Variants in RADIL observed in about 807,000 individuals in gnomAD.
RADIL encodes the protein ras-associating and dilute domain-containing protein.
Under a neutral mutation model 97.6 loss-of-function variants are expected in RADIL, and 99 were observed. The observed-to-expected ratio is 1.01, with a 90% CI of 0.86 to 1.20. The LOEUF (loss-of-function observed/expected upper bound fraction) is 1.20, where lower values mean the gene tolerates loss of function less well. Among genes scored for constraint, RADIL ranks in the 50% most tolerant of loss-of-function variants. The pLI is 0.00. For missense variants in RADIL, 1,765 were observed against 1,498.9 expected, an observed-to-expected ratio of 1.18 and a Z score of -2.93; for synonymous variants, 803 against 691.8, an observed-to-expected ratio of 1.16 and a Z score of -2.52.
rs1038503625 is a variant in RADIL at position 4,798,121 on chromosome 7, AATATATATACAAACACTATATATAT to A, written c.*1232_*1256del. On this transcript the variant is annotated 3_prime_UTR_variant, in exon 15 of 15. Coordinates refer to ENST00000399583, the MANE Select transcript of RADIL (RefSeq NM_018059.5). Reference sequence around the variant, plus strand: ...ATATTCATATATTTTACATATCTTAAATATATATACAAACACTATATATATATATATATTTTATCCAGTATTTTGG... The same window carrying A: ...ATATTCATATATTTTACATATCTTAAATATATATTTTATCCAGTATTTTGG... The A allele has an allele frequency of 2.0e-5, 3 of 146,962 alleles. No homozygotes were observed. The highest frequency in any genetic ancestry group is 4.5e-5 in the Non-Finnish European group (3 of 67,288). 9.1% of individuals were successfully genotyped at this position (146,962 alleles called of 1,614,324 possible). A position where few individuals can be genotyped will look rare whatever the true frequency, so the allele number is the denominator to read the frequency against.
chr7:4,838,910 C>G (rs1427898270), intron 2 of RADIL, among the ~76,000 whole-genome samples: 1 of 152,260 alleles, frequency 6.6e-6, no homozygotes, highest in East Asian at 1.9e-4. Flanking sequence ...TGCTGTGGAA[C>G]AGCCAGCAGG....
rs1782730263 is a variant in RADIL at position 4,818,191 on chromosome 7, GGGGCTGCCTGTCCAGGCCGCCTGCCA to G, written c.1616-866_1616-841del. ...GGAGGGGCAGAGGGGCCGCATCGTG[GGGGCTGCCTGTCCAGGCCGCCTGCCA>G]GGGCTGCATGGGCGGCGCCTGGTGA... On this transcript the variant is annotated intron_variant, in intron 6 of 14. Transcript: ENST00000399583. This position sits in a 1 kb window ranked among gnomAD's most constrained non-coding sequence, Gnocchi z 7.1. Among the ~76,000 whole-genome samples the G allele has an allele frequency of 6.6e-6, 1 of 152,226 alleles. No homozygotes were observed. Among genetic ancestry groups the G allele is most frequent in the Non-Finnish European group, 1.5e-5 (1 of 68,032 alleles).
intron 11 of RADIL, 122 bp from the exon 12 acceptor site, chr7:4,802,117 T>A: frequency 1.3e-6 from 1 of 781,786 alleles, no homozygotes; most frequent in Non-Finnish European, 2.0e-6. Context: ...AGCAAAGGAC[T>A]CCCGCAGCCT....
rs778386000 is a variant in RADIL at position 4,815,254 on chromosome 7, G to C, written c.2139+24C>G. 11 of 1,511,466 alleles carry C rather than the reference G, an allele frequency of 7.3e-6. No individual in the cohort carries two copies. The highest frequency in any genetic ancestry group is 5.1e-5 in the East Asian group (2 of 39,580). 93.6% of individuals were successfully genotyped at this position (1,511,466 alleles called of 1,614,324 possible). On this transcript the variant is annotated intron_variant, in intron 9 of 14. Transcript: ENST00000399583. This position sits in a 1 kb window ranked among gnomAD's most constrained non-coding sequence, Gnocchi z 8.0. ...TGTGGCCCCGCCCCTCCCCACACTC[G>C]CCGCCTCCCATGCGCACCCCTACCT... is the stretch of plus-strand genomic sequence containing the variant.
chr7:4,825,369 G>A (rs1288220875), intron 5 of RADIL, among the ~76,000 whole-genome samples: 3 of 152,192 alleles, frequency 2.0e-5, no homozygotes, highest in Non-Finnish European at 2.9e-5. Flanking sequence ...CCCACAAGGA[G>A]CACAGAGACC....
chr7:4,815,184 C>A lies in RADIL; in HGVS notation c.2139+94G>T. On this transcript the variant is annotated intron_variant, in intron 9 of 14. Coordinates refer to ENST00000399583, the MANE Select transcript of RADIL (RefSeq NM_018059.5). This position sits in a 1 kb window ranked among gnomAD's most constrained non-coding sequence, Gnocchi z 8.0. Reference sequence around the variant, plus strand: ...TTTGAGGTTTCCAGCCAAGAAGCCCCGTCCCGGCCCCCAGGCTTGGTTTGT... The same window carrying A: ...TTTGAGGTTTCCAGCCAAGAAGCCCAGTCCCGGCCCCCAGGCTTGGTTTGT... 7.2e-7 allele frequency: 1 copy of A among 1,393,654 alleles called. No homozygotes were observed. The highest frequency in any genetic ancestry group is 9.5e-7 in the Non-Finnish European group (1 of 1,057,728). 86.3% of individuals were successfully genotyped at this position (1,393,654 alleles called of 1,614,324 possible).
At chr7:4,848,778 G>A (rs552683589) in intron 2 of RADIL, among the ~76,000 whole-genome samples, 57 of 152,286 alleles carry the variant, frequency 3.7e-4, no homozygotes, top group African/African-American at 1.3e-3. Context: ...ATTTTCCACT[G>A]AAGGAAGTCA....
rs770805327 is a variant in RADIL at position 4,834,742 on chromosome 7, C to T, written c.1281G>A (p.Pro427=). The T allele has an allele frequency of 2.8e-5, 40 of 1,410,608 alleles. No individual in the cohort carries two copies. The South Asian group carries it at 5.7e-4, about 20-fold the overall frequency. The allele number at this position is 1,410,608 out of a possible 1,614,324, so 87.4% of individuals were successfully genotyped here. ...LLQRIMTLIE[P]GGDDHKLTPA... ...GGGTCAGCTTGTGGTCGTCGCCCCC[C>T]GGCTCGATCAACGTCATGATCCTCT... The change falls in exon 4 of 15, where the codon CCG becomes CCA. Residue 427 remains proline (P), a synonymous_variant. Coordinates refer to ENST00000399583, the MANE Select transcript of RADIL (RefSeq NM_018059.5). The surrounding 1 kb of genome is among the most constrained non-coding windows in gnomAD (Gnocchi z 6.0).
chr7:4,828,899 C>T (rs559577592), intron 5 of RADIL, among the ~76,000 whole-genome samples: 4 of 152,310 alleles, frequency 2.6e-5, no homozygotes, highest in African/African-American at 9.6e-5. Context: ...CAGAGCTGCG[C>T]TTCAGCTTCA....
chr7:4,808,629 T>C (rs1005659099), intron 9 of RADIL: 3 of 985,146 alleles, frequency 3.0e-6, no homozygotes, highest in Admixed American at 6.2e-5. Context: ...CCCGCGGCCC[T>C]GGTCTCTCCT....
In RADIL at chr7:4,835,088, G is replaced by C. The variant is rs1245522506; in HGVS notation, c.935C>G (p.Ala312Gly). 1.2e-6 allele frequency: 2 copies of C among 1,607,638 alleles called. No homozygotes were observed. Among genetic ancestry groups the C allele is most frequent in the African/African-American group, 1.3e-5 (1 of 74,834 alleles). ...GATGGGCTCCAGGACCAGCCTCCCC[G>C]CGGCCTGGCCGCTGTCCGGGAGCGG... is the stretch of plus-strand genomic sequence containing the variant. ...RQPLPDSGQAAGRLVLEPIPG... is the reference protein window; with the variant it reads ...RQPLPDSGQAGGRLVLEPIPG... The change falls in exon 4 of 15, where the codon GCG (alanine) becomes GGG (glycine). Residue 312 changes from alanine to glycine, a missense_variant. By Grantham distance (60) the Ala-to-Gly change is moderately conservative. Transcript: ENST00000399583. This position sits in a 1 kb window ranked among gnomAD's most constrained non-coding sequence, Gnocchi z 5.8.
chr7:4,863,682 A>G (rs1003571933), intron 2 of RADIL, among the ~76,000 whole-genome samples: 3 of 152,218 alleles, frequency 2.0e-5, no homozygotes, highest in Non-Finnish European at 4.4e-5. Context: ...GTCAAGAGAG[A>G]GAACTTCCTT....
At chr7:4,805,058 C>T (rs1304195429) in intron 10 of RADIL, among the ~76,000 whole-genome samples, 1 of 152,144 alleles carries the variant, frequency 6.6e-6, no homozygotes, top group Non-Finnish European at 1.5e-5. Context: ...TGCACCACTG[C>T]ACTCCAGCCT....
intron 13 of RADIL, 92 bp from the exon 14 acceptor site, chr7:4,799,861 C>T: frequency 1.4e-6 from 2 of 1,426,408 alleles, no homozygotes. Flanking sequence ...ACCTACAGGC[C>T]CCCGCCTGGC....
At chr7:4,801,546 G>T in intron 12 of RADIL, 107 bp downstream of exon 12, 2 of 1,255,898 alleles carry the variant, frequency 1.6e-6, no homozygotes, top group South Asian at 1.4e-5. Flanking sequence ...TGTGGGGCAG[G>T]TAAGGAAACC....
rs1783321307 is a variant in RADIL at position 4,837,100 on chromosome 7, G to A, written c.536-495C>T. On this transcript the variant is annotated intron_variant, in intron 2 of 14. Transcript: ENST00000399583. The surrounding 1 kb of genome is among the most constrained non-coding windows in gnomAD (Gnocchi z 5.6). ...TCTAGCCACGCCCCTCGAAAAACCAGACAGTGCCTTGGCACCACCGTGGCA... is the reference window on the plus strand; with the variant it reads ...TCTAGCCACGCCCCTCGAAAAACCAAACAGTGCCTTGGCACCACCGTGGCA... Among the ~76,000 whole-genome samples the A allele has an allele frequency of 6.6e-6, 1 of 152,128 alleles. No homozygotes were observed. Among genetic ancestry groups the A allele is most frequent in the Non-Finnish European group, 1.5e-5 (1 of 68,018 alleles).
At position 4,813,051 on chromosome 7, in the gene RADIL, C is replaced by G. The variant is rs10270796; in HGVS notation, c.2139+2227G>C. On this transcript the variant is annotated intron_variant, in intron 9 of 14. Transcript: ENST00000399583. This position sits in a 1 kb window ranked among gnomAD's most constrained non-coding sequence, Gnocchi z 5.0. ...GGTGAGGCTCAGACAGCCTCTGCTT[C>G]ATCCTTACCCCAAGGTTCTTCTTTC... Among the ~76,000 whole-genome samples the G allele has an allele frequency of 0.31, 46,850 of 151,662 alleles. 10,155 individuals are homozygous for G. Among genetic ancestry groups the G allele is most frequent in the African/African-American group, 0.61 (25,306 of 41,232 alleles).
intron 12 of RADIL, among the ~76,000 whole-genome samples, chr7:4,800,902 C>T (rs867994796): frequency 5.9e-5 from 9 of 152,206 alleles, no homozygotes; most frequent in East Asian, 1.9e-4. Context: ...ACTCTGCACA[C>T]GCACCCAGGA....
chr7:4,859,877 G>T lies in RADIL; in HGVS notation c.535+17728C>A, dbSNP rs192465330. 3.9e-5 allele frequency: 59 copies of T among 1,511,194 alleles called. No homozygotes were observed. The Admixed American group carries it at 1.1e-3, about 27-fold the overall frequency. The allele number at this position is 1,511,194 out of a possible 1,614,324, so 93.6% of individuals were successfully genotyped here. A position where few individuals can be genotyped will look rare whatever the true frequency, so the allele number is the denominator to read the frequency against. ...TGGTCCTTTCTTCTTTATGAGGCAA[G>T]AATATCCTCTAGACTCCAACTATAG... On this transcript the variant is annotated intron_variant, in intron 2 of 14. Transcript: ENST00000399583.
Sources: allele counts gnomAD v4.1 joint callset (sites outside exome capture counted in the v4.1 genomes callset), GRCh38; gene constraint gnomAD v4.1.1; non-coding constraint Gnocchi (gnomAD v3.1); transcripts MANE v1.5; gene names NCBI Gene and HGNC (gene_info 2026-07-23, HGNC 2026-07-21).